The following PRKCH variants were observed in gnomAD, a reference collection of about 807,000 sequenced individuals.
PRKCH encodes the protein protein kinase C eta.
A neutral mutation model predicts 82.5 loss-of-function variants in PRKCH; 28 were observed. That is an observed-to-expected ratio of 0.34 (90% CI 0.25 to 0.47). The LOEUF (loss-of-function observed/expected upper bound fraction) is 0.47. Among genes scored for constraint, PRKCH ranks in the 20% least tolerant of loss-of-function variants. PRKCH has a pLI of 1.00. For synonymous variants in PRKCH, 322 were observed against 327.4 expected (o/e 0.98, Z 0.18); for missense variants, 705 against 881.8 (o/e 0.80, Z 2.54).
At chr14:61,321,522 G>A (rs1455932742), upstream of PRKCH, among the ~76,000 whole-genome samples, 1 of 152,164 alleles carries the variant, frequency 6.6e-6, no homozygotes, top group Non-Finnish European at 1.5e-5. The surrounding 1 kb of genome is among the most constrained non-coding windows in gnomAD (Gnocchi z 4.1). Flanking sequence ...GCCGGGCCGC[G>A]GACCGCGGGC....
At chr14:61,341,951 G>A (rs906031488) in intron 1 of PRKCH, among the ~76,000 whole-genome samples, 1 of 152,162 alleles carries the variant, frequency 6.6e-6, no homozygotes, top group Non-Finnish European at 1.5e-5. Flanking sequence ...GGTAGGTGCT[G>A]AGTAAATGTT....
chr14:61,449,228 C>A lies in PRKCH; in HGVS notation c.678C>A (p.Asn226Lys). ...TTGTTACAGCCTGTACTTGCCAAAACAATATTAACAAAGTGGATTCAAAGG... is the reference window on the plus strand; with the variant it reads ...TTGTTACAGCCTGTACTTGCCAAAAAAATATTAACAAAGTGGATTCAAAGG... ...HLIVTACTCQ[N>K]NINKVDSKIA... The change falls in exon 5 of 14, where the codon AAC becomes AAA. Residue 226 changes from asparagine to lysine, a missense_variant. Coordinates refer to ENST00000332981, the MANE Select transcript of PRKCH (RefSeq NM_006255.5). 1.2e-6 allele frequency: 2 copies of A among 1,613,740 alleles called. No homozygotes were observed. Among genetic ancestry groups the A allele is most frequent in the South Asian group, 2.2e-5 (2 of 91,064 alleles).
In PRKCH at chr14:61,500,695, C is replaced by G. The variant is rs537742602; in HGVS notation, c.1433+15039C>G. On this transcript the variant is annotated intron_variant, in intron 10 of 13. Transcript: ENST00000332981. Reference sequence around the variant, plus strand: ...AAAATAGAGAAGGTAGTCATAAATCCCAGAACTGAGGATCTCTGTGCACAG... The same window carrying G: ...AAAATAGAGAAGGTAGTCATAAATCGCAGAACTGAGGATCTCTGTGCACAG... 8.0e-4 allele frequency among the ~76,000 whole-genome samples: 121 copies of G among 152,150 alleles called. 3 individuals carry two copies. The South Asian group carries it at 0.025, about 31-fold the overall frequency.
At position 61,246,504 on chromosome 14, in the gene PRKCH, C is replaced by A. The variant is rs1319998968; in HGVS notation, c.-19+58836C>A. The stretch of plus-strand genomic sequence containing the variant: ...CTTGAACTTTTGACAGAGTCTTCCC[C>A]AAAATTTCTATTCCTCTGGCCTTTC... On this transcript the variant is annotated intron_variant, in intron 1 of 3. Coordinates refer to the PRKCH transcript ENST00000555185. 4.6e-5 allele frequency among the ~76,000 whole-genome samples: 7 copies of A among 152,204 alleles called. No individual in the cohort carries two copies. The East Asian group carries it at 1.4e-3, about 29-fold the overall frequency.
intron 2 of PRKCH, among the ~76,000 whole-genome samples, chr14:61,440,039 A>G (rs1883882467): frequency 6.6e-6 from 1 of 152,250 alleles, no homozygotes. Context: ...ATTTGCATCT[A>G]TACATGATAA....
intron 2 of PRKCH, among the ~76,000 whole-genome samples, chr14:61,401,717 C>A (rs905307593): frequency 2.0e-5 from 3 of 152,198 alleles, no homozygotes; most frequent in African/African-American, 7.2e-5. Flanking sequence ...AAAGGTCAAT[C>A]CTTGACTATA....
chr14:61,451,976 T>G (rs1014511550), intron 6 of PRKCH, among the ~76,000 whole-genome samples: 5 of 152,210 alleles, frequency 3.3e-5, no homozygotes, highest in African/African-American at 1.2e-4. Context: ...AGGGCGTTGG[T>G]CCAGGTGCAG....
chr14:61,341,521 A>C (rs2045929795), intron 1 of PRKCH, among the ~76,000 whole-genome samples: 1 of 152,202 alleles, frequency 6.6e-6, no homozygotes, highest in African/African-American at 2.4e-5. Flanking sequence ...ACCACAGTAG[A>C]TGCTGGGGGT....
At chr14:61,524,739 C>T (rs1473299350) in intron 10 of PRKCH, among the ~76,000 whole-genome samples, 3 of 152,174 alleles carry the variant, frequency 2.0e-5, no homozygotes, top group Non-Finnish European at 1.5e-5. Flanking sequence ...TCTGCTCTTC[C>T]GTTTGGATGC....
At chr14:61,537,124 G>A (rs1488193366) in intron 12 of PRKCH, among the ~76,000 whole-genome samples, 5 of 152,122 alleles carry the variant, frequency 3.3e-5, no homozygotes, top group Admixed American at 6.5e-5. Context: ...AGGCACACTG[G>A]GAAGACTATT....
At chr14:61,421,049 C>T (rs539883047) in intron 2 of PRKCH, among the ~76,000 whole-genome samples, 31 of 151,608 alleles carry the variant, frequency 2.0e-4, no homozygotes, top group Non-Finnish European at 3.8e-4. Flanking sequence ...GAAAACAGAG[C>T]CTCAACACAG....
At chr14:61,209,150 G>T (rs2044549672) in intron 1 of PRKCH, among the ~76,000 whole-genome samples, 1 of 151,956 alleles carries the variant, frequency 6.6e-6, no homozygotes, top group Non-Finnish European at 1.5e-5. Flanking sequence ...TTCCGCCATG[G>T]GATGATGTAG....
intron 2 of PRKCH, among the ~76,000 whole-genome samples, chr14:61,410,787 A>C (rs1364589256): frequency 1.3e-5 from 2 of 152,184 alleles, no homozygotes; most frequent in Non-Finnish European, 2.9e-5. Context: ...CATAGCCATC[A>C]TGGCCAGGTC....
At chr14:61,541,934 C>T (rs1387173631) in intron 12 of PRKCH, among the ~76,000 whole-genome samples, 5 of 152,346 alleles carry the variant, frequency 3.3e-5, no homozygotes, top group African/African-American at 9.6e-5. Flanking sequence ...CCACTGCACC[C>T]ATCTTGCTGC....
chr14:61,323,730 T>C (rs2045660745), intron 1 of PRKCH, among the ~76,000 whole-genome samples: 2 of 152,240 alleles, frequency 1.3e-5, no homozygotes, highest in African/African-American at 4.8e-5. Flanking sequence ...TTAATTTCCC[T>C]TCAGCCTAAT....
At chr14:61,493,819 G>C (rs542434318) in intron 10 of PRKCH, among the ~76,000 whole-genome samples, 76 of 151,790 alleles carry the variant, frequency 5.0e-4, no homozygotes, top group Non-Finnish European at 8.4e-4. Flanking sequence ...CAAGTAACAA[G>C]ATAATGAGGA....
chr14:61,262,286 C>G (rs1340781999), intron 1 of PRKCH, among the ~76,000 whole-genome samples: 1 of 150,326 alleles, frequency 6.7e-6, no homozygotes, highest in Admixed American at 6.6e-5. Flanking sequence ...ACAGCCCAGA[C>G]GTCCATTCAT....
At chr14:61,220,225 C>T (rs1000264632) in intron 1 of PRKCH, among the ~76,000 whole-genome samples, 3 of 152,182 alleles carry the variant, frequency 2.0e-5, no homozygotes, top group African/African-American at 4.8e-5. Context: ...CTCCTGATCG[C>T]CTTCATCCAA....
In PRKCH at chr14:61,380,990, T is replaced by C. The variant is rs901141116; in HGVS notation, c.364-10235T>C. Among the ~76,000 whole-genome samples the C allele has an allele frequency of 2.9e-4, 44 of 152,162 alleles. 1 individual carries two copies. The highest frequency in any genetic ancestry group is 2.9e-3 in the Admixed American group (44 of 15,282). On this transcript the variant is annotated intron_variant, in intron 1 of 13. Transcript: ENST00000332981. ...TAGCAACCATGTGGGTCTGTTCAGC[T>C]GGGAGGGGAGAAATATTGCGAGCCA...
Sources: allele counts gnomAD v4.1 joint callset (sites outside exome capture counted in the v4.1 genomes callset), GRCh38; gene constraint gnomAD v4.1.1; non-coding constraint Gnocchi (gnomAD v3.1); transcripts MANE v1.5; gene names NCBI Gene and HGNC (gene_info 2026-07-23, HGNC 2026-07-21).